The following MARCHF1 variants were observed in gnomAD, a reference collection of about 807,000 sequenced individuals.
The protein encoded by MARCHF1 is membrane associated ring-CH-type finger 1, also known as E3 ubiquitin-protein ligase MARCHF1.
A neutral mutation model predicts 54.2 loss-of-function variants in MARCHF1; 40 were observed. The observed-to-expected ratio is 0.74, with a 90% CI of 0.57 to 0.96. MARCHF1 has a LOEUF of 0.96. Among genes scored for constraint, MARCHF1 ranks in the 40% least tolerant of loss-of-function variants. The pLI is 0.00. For synonymous variants in MARCHF1, 236 were observed against 236.3 expected (o/e 1.00, Z 0.01); for missense variants, 586 against 656.5 (o/e 0.89, Z 1.17).
intron 5 of MARCHF1, among the ~76,000 whole-genome samples, chr4:163,697,402 A>G (rs1561025120): frequency 1.3e-5 from 2 of 152,166 alleles, no homozygotes; most frequent in Non-Finnish European, 2.9e-5. Flanking sequence ...TAGGAGTCTC[A>G]TGCCTGTTAT....
chr4:163,946,568 C>A (rs2110768629), intron 3 of MARCHF1, among the ~76,000 whole-genome samples: 1 of 152,262 alleles, frequency 6.6e-6, no homozygotes, highest in Non-Finnish European at 1.5e-5. Context: ...ATTTTCATCT[C>A]CCAATTTCTA....
At chr4:163,797,192 A>G (rs1157026370) in intron 4 of MARCHF1, among the ~76,000 whole-genome samples, 2 of 151,660 alleles carry the variant, frequency 1.3e-5, no homozygotes, top group African/African-American at 4.8e-5. Flanking sequence ...TATTGAGTAT[A>G]TATTTATATT....
At position 163,527,329 on chromosome 4, in the gene MARCHF1, C is replaced by G. The variant is rs1458333856; in HGVS notation, c.*1419G>C. On this transcript the variant is annotated 3_prime_UTR_variant, in exon 10 of 10. Coordinates refer to ENST00000514618, the MANE Select transcript of MARCHF1 (RefSeq NM_001394959.1). ...TGTTTTCTAACTGAGCAAGGGAAATCCTGTCAGCTTTTAAAAGTAAGGGCT... is the reference window on the plus strand; with the variant it reads ...TGTTTTCTAACTGAGCAAGGGAAATGCTGTCAGCTTTTAAAAGTAAGGGCT... The G allele has an allele frequency of 6.6e-6, 1 of 152,008 alleles. No homozygotes were observed. Among genetic ancestry groups the G allele is most frequent in the African/African-American group, 2.4e-5 (1 of 41,418 alleles). 9.4% of individuals were successfully genotyped at this position (152,008 alleles called of 1,614,324 possible). A position where few individuals can be genotyped will look rare whatever the true frequency, so the allele number is the denominator to read the frequency against.
At chr4:163,915,428 T>C (rs1751286224) in intron 3 of MARCHF1, among the ~76,000 whole-genome samples, 1 of 151,686 alleles carries the variant, frequency 6.6e-6, no homozygotes, top group South Asian at 2.1e-4. Context: ...AACTGAGAAA[T>C]TATCACAACC....
In MARCHF1 at chr4:163,545,669, G is replaced by T. The variant is rs754567412; in HGVS notation, c.1266C>A (p.Ile422=). 13 of 1,614,008 alleles carry T rather than the reference G, an allele frequency of 8.1e-6. No homozygotes were observed. The highest frequency in any genetic ancestry group is 1.1e-5 in the Non-Finnish European group (13 of 1,179,914). Residue 422 remains isoleucine (I), a synonymous_variant, in exon 9 of 10, where the codon ATC becomes ATA. Transcript: ENST00000514618. ...FCSVTFHVIA[I]TCVVWSLYVL... ...CATACAAAGACCAAACCACACAGGT[G>T]ATCGCGATTACGTGGAATGTGACAG... is the stretch of plus-strand genomic sequence containing the variant.
At chr4:164,272,505 G>C (rs939026393) in intron 1 of MARCHF1, among the ~76,000 whole-genome samples, 4 of 152,030 alleles carry the variant, frequency 2.6e-5, no homozygotes, top group Non-Finnish European at 4.4e-5. Context: ...GAAAAAGTAA[G>C]AAGCTGAAGA....
chr4:164,377,696 T>C (rs1350768480), intron 1 of MARCHF1, among the ~76,000 whole-genome samples: 1 of 152,190 alleles, frequency 6.6e-6, no homozygotes, highest in Non-Finnish European at 1.5e-5. Flanking sequence ...TTATTATGTT[T>C]AGTTACCAAT....
At chr4:163,817,696 T>C (rs1474677882) in intron 4 of MARCHF1, among the ~76,000 whole-genome samples, 1 of 152,054 alleles carries the variant, frequency 6.6e-6, no homozygotes, top group Non-Finnish European at 1.5e-5. Flanking sequence ...TAGGATTTGA[T>C]AGCATTTCTA....
At chr4:164,139,471 A>C (rs1733549528) in intron 1 of MARCHF1, among the ~76,000 whole-genome samples, 1 of 151,210 alleles carries the variant, frequency 6.6e-6, no homozygotes, top group Non-Finnish European at 1.5e-5. Context: ...GATTGGCAGC[A>C]ACAGCTGAGC....
At chr4:164,040,254 T>C (rs767066644) in intron 2 of MARCHF1, among the ~76,000 whole-genome samples, 35 of 144,708 alleles carry the variant, frequency 2.4e-4, no homozygotes, top group Non-Finnish European at 3.9e-4. Context: ...TATATACGTA[T>C]ATGTAATTAC....
At chr4:163,690,178 A>T (rs1442845294) in intron 5 of MARCHF1, among the ~76,000 whole-genome samples, 1 of 152,198 alleles carries the variant, frequency 6.6e-6, no homozygotes, top group East Asian at 1.9e-4. Context: ...TTGTGAGCCA[A>T]CTTGCAGCCT....
chr4:164,379,819 T>C (rs796323310), intron 1 of MARCHF1, among the ~76,000 whole-genome samples: 7 of 151,934 alleles, frequency 4.6e-5, no homozygotes, highest in African/African-American at 1.7e-4. Context: ...ATGCTAAAAA[T>C]ACAAAAATTA....
intron 1 of MARCHF1, among the ~76,000 whole-genome samples, chr4:164,357,197 T>A (rs1730582372): frequency 6.6e-6 from 1 of 152,042 alleles, no homozygotes; most frequent in Non-Finnish European, 1.5e-5. Flanking sequence ...GGTTCAGAAG[T>A]CCCAAATCAG....
At chr4:163,906,277 G>C (rs1204477730) in intron 3 of MARCHF1, among the ~76,000 whole-genome samples, 1 of 151,898 alleles carries the variant, frequency 6.6e-6, no homozygotes, top group African/African-American at 2.4e-5. Flanking sequence ...CCCAGTGCCT[G>C]AATATGTAAC....
intron 3 of MARCHF1, among the ~76,000 whole-genome samples, chr4:163,882,830 C>A (rs529268064): frequency 6.6e-6 from 1 of 151,812 alleles, no homozygotes; most frequent in Non-Finnish European, 1.5e-5. Flanking sequence ...ATTATCAGGG[C>A]GTGTGGTGCA....
intron 4 of MARCHF1, among the ~76,000 whole-genome samples, chr4:163,837,214 G>A (rs1416134117): frequency 6.6e-6 from 1 of 152,018 alleles, no homozygotes; most frequent in Non-Finnish European, 1.5e-5. Flanking sequence ...ACTTGGTGAC[G>A]TTATTTCAAT....
At chr4:164,148,009 A>C (rs6816999) in intron 1 of MARCHF1, among the ~76,000 whole-genome samples, 3 of 151,894 alleles carry the variant, frequency 2.0e-5, no homozygotes, top group African/African-American at 7.3e-5. Flanking sequence ...ATACATTCAT[A>C]TTTTATTTTA....
chr4:164,166,238 T>C (rs1289618719), intron 1 of MARCHF1, among the ~76,000 whole-genome samples: 3 of 151,998 alleles, frequency 2.0e-5, no homozygotes, highest in Non-Finnish European at 2.9e-5. Context: ...TCCACTGGCA[T>C]CCCTATTTCA....
intron 4 of MARCHF1, among the ~76,000 whole-genome samples, chr4:163,817,758 A>C (rs990000297): frequency 6.6e-6 from 1 of 152,008 alleles, no homozygotes; most frequent in Non-Finnish European, 1.5e-5. Flanking sequence ...TGGCACATAT[A>C]CACCACGGAA....
Sources: gnomAD v4.1 joint callset for allele counts (sites outside exome capture counted in the v4.1 genomes callset) on GRCh38, gnomAD v4.1.1 for gene constraint, MANE v1.5 for transcripts, NCBI Gene and HGNC (gene_info 2026-07-23, HGNC 2026-07-21) for gene names.